FLNB: variants seen among roughly 807,000 people sequenced by gnomAD.
FLNB encodes filamin B.
FLNB carries 111 observed loss-of-function variants against 250.6 expected under a neutral mutation model. That is an observed-to-expected ratio of 0.44 (90% CI 0.38 to 0.52). FLNB has a LOEUF of 0.52. FLNB is among the 20% of genes least tolerant of loss of function. The probability of loss-of-function intolerance (pLI) is 0.00; values close to 1 mark genes in which losing one functional copy is unlikely to be tolerated. For synonymous variants in FLNB, 1,302 were observed against 1,372.1 expected, an observed-to-expected ratio of 0.95 and a Z score of 1.13; for missense variants, 2,869 against 3,447.8, an observed-to-expected ratio of 0.83 and a Z score of 4.20.
Position 58,169,614 on chromosome 3 carries a change from C to G in FLNB, c.7442C>G (p.Ser2481Ter). 6.2e-7 allele frequency: 1 copy of G among 1,614,174 alleles called. No homozygotes were observed. ...VTGQRLVSPG[S>*]ANETSSILVE... Reference sequence around the variant, plus strand: ...GGCCAGCGTCTAGTTAGCCCTGGCTCAGCCAACGAGACCTCATCCATCCTG... The same window carrying G: ...GGCCAGCGTCTAGTTAGCCCTGGCTGAGCCAACGAGACCTCATCCATCCTG... The change falls in exon 45 of 46, where the codon TCA (serine) becomes TGA (stop). Residue 2481 changes from serine (S) to a stop codon, truncating the protein, a stop_gained. Transcript: ENST00000295956. LOFTEE classifies it high-confidence loss of function. The surrounding 1 kb of genome is among the most constrained non-coding windows in gnomAD (Gnocchi z 4.8).
At chr3:58,059,582 T>C (rs2097175060) in intron 1 of FLNB, among the ~76,000 whole-genome samples, 1 of 152,214 alleles carries the variant, frequency 6.6e-6, no homozygotes, top group Non-Finnish European at 1.5e-5. Flanking sequence ...CGGCAGCAGC[T>C]GGTGGATGGG....
chr3:58,140,983 C>G (rs148613756), intron 29 of FLNB, among the ~76,000 whole-genome samples: 1 of 152,120 alleles, frequency 6.6e-6, no homozygotes, highest in Non-Finnish European at 1.5e-5. Context: ...CATGGTGGCT[C>G]ATGCCTGAAA....
Position 58,153,556 on chromosome 3 carries a change from C to A in FLNB, c.6549C>A (p.Phe2183Leu). ...GQHVTGSPFQ[F>L]TVGPLGEGGA... ...ACGTCACCGGCAGCCCCTTCCAGTT[C>A]ACCGTGGGGCCACTTGGTGAAGGAG... The change falls in exon 39 of 46, where the codon TTC becomes TTA. Residue 2183 changes from phenylalanine (F) to leucine (L), a missense_variant. Coordinates refer to ENST00000295956, the MANE Select transcript of FLNB (RefSeq NM_001457.4). 6.2e-7 allele frequency: 1 copy of A among 1,614,136 alleles called. No homozygotes were observed. The highest frequency in any genetic ancestry group is 8.5e-7 in the Non-Finnish European group (1 of 1,180,046).
At position 58,169,264 on chromosome 3, in the gene FLNB, T is replaced by C. The variant is rs1359663274; in HGVS notation, c.7418-326T>C. The C allele has an allele frequency of 7.8e-6, 3 of 385,736 alleles. No homozygotes were observed. Among genetic ancestry groups the C allele is most frequent in the African/African-American group, 2.0e-5 (1 of 48,864 alleles). The allele number at this position is 385,736 out of a possible 1,614,324, so 23.9% of individuals were successfully genotyped here. On this transcript the variant is annotated intron_variant, in intron 44 of 45. Transcript: ENST00000295956. The surrounding 1 kb of genome is among the most constrained non-coding windows in gnomAD (Gnocchi z 4.8). ...CCCAAACTTTTACACTGCTTATACA[T>C]AGACTATTTTATGTCAATAGAAAGA...
intron 1 of FLNB, 50 bp from the exon 2 acceptor site, chr3:58,076,996 T>G (rs2106946120): frequency 6.2e-7 from 1 of 1,609,012 alleles, no homozygotes; most frequent in East Asian, 2.2e-5. Flanking sequence ...GAGCATAATT[T>G]ACACTTGTGT....
intron 1 of FLNB, among the ~76,000 whole-genome samples, chr3:58,012,017 C>T (rs947695267): frequency 6.6e-6 from 1 of 152,112 alleles, no homozygotes; most frequent in East Asian, 1.9e-4. Context: ...TCGAGACCAG[C>T]CTGGACAACA....
chr3:58,114,712 T>C (rs1184066142), intron 18 of FLNB, among the ~76,000 whole-genome samples: 1 of 145,884 alleles, frequency 6.9e-6, no homozygotes, highest in African/African-American at 2.6e-5. Flanking sequence ...TTTCTGTTTT[T>C]TTTTTTTGTT....
intron 12 of FLNB, 129 bp downstream of exon 12, chr3:58,107,002 C>T (rs763066822): frequency 2.8e-5 from 21 of 745,486 alleles, no homozygotes; most frequent in Non-Finnish European, 4.8e-5. Context: ...AGGAAGGAAA[C>T]AGGCCTGCAT....
intron 1 of FLNB, among the ~76,000 whole-genome samples, chr3:58,037,419 A>G (rs2097139685): frequency 6.6e-6 from 1 of 152,206 alleles, no homozygotes; most frequent in Non-Finnish European, 1.5e-5. Flanking sequence ...GGCTGCTAGC[A>G]TTGGCTTCAA....
At chr3:58,044,590 G>A (rs995913248) in intron 1 of FLNB, among the ~76,000 whole-genome samples, 2 of 152,026 alleles carry the variant, frequency 1.3e-5, no homozygotes, top group African/African-American at 2.4e-5. Flanking sequence ...ACACCTCTGC[G>A]CTCCAGCCTG....
At chr3:58,029,674 T>C (rs1377942902) in intron 1 of FLNB, among the ~76,000 whole-genome samples, 1 of 151,958 alleles carries the variant, frequency 6.6e-6, no homozygotes, top group African/African-American at 2.4e-5. Flanking sequence ...TGGCTAATTT[T>C]TTGTATTTTT....
intron 29 of FLNB, among the ~76,000 whole-genome samples, chr3:58,141,095 A>AT (rs1287031302): frequency 3.4e-4 from 52 of 152,186 alleles, no homozygotes; most frequent in African/African-American, 1.1e-3. Context: ...CAAAAAAAAA[A>AT]AATAATAATT....
chr3:58,073,873 T>C, intron 1 of FLNB, among the ~76,000 whole-genome samples: 1 of 152,238 alleles, frequency 6.6e-6, no homozygotes, highest in East Asian at 1.9e-4. Context: ...AACCTCAGGT[T>C]TTACAGGCTA....
At chr3:58,100,373 A>ATATATATATATATAT (rs1553696152) in intron 8 of FLNB, among the ~76,000 whole-genome samples, 16 of 104,334 alleles carry the variant, frequency 1.5e-4, no homozygotes, top group African/African-American at 6.4e-4. Context: ...GTAAAAAAAA[A>ATATATATATATATAT]ATATATATAT....
In FLNB at chr3:58,148,222, C is replaced by T. The variant is rs200335307; in HGVS notation, c.5745C>T (p.Cys1915=). The T allele has an allele frequency of 6.2e-7, 1 of 1,614,232 alleles. No individual in the cohort carries two copies. Among genetic ancestry groups the T allele is most frequent in the Non-Finnish European group, 8.5e-7 (1 of 1,180,042 alleles). ...TAKITDDSRR[C]SQVKLGSAAD... Reference sequence around the variant, plus strand: ...GTTTCCCAGATGACAGCAGGCGGTGCTCCCAGGTGAAGTTGGGCTCAGCCG... The same window carrying T: ...GTTTCCCAGATGACAGCAGGCGGTGTTCCCAGGTGAAGTTGGGCTCAGCCG... The change falls in exon 35 of 46, where the codon TGC becomes TGT. Residue 1915 remains cysteine (C), a synonymous_variant. Coordinates refer to ENST00000295956, the MANE Select transcript of FLNB (RefSeq NM_001457.4).
At chr3:58,155,485 T>C (rs879028102) in intron 40 of FLNB, among the ~76,000 whole-genome samples, 4 of 152,254 alleles carry the variant, frequency 2.6e-5, no homozygotes, top group Non-Finnish European at 5.9e-5. Flanking sequence ...TCATAAGATT[T>C]GGTGACAGTA....
In FLNB at chr3:58,096,228, A is replaced by G. The variant is rs755496742; in HGVS notation, c.984+10A>G. ...CACCGGGCTACACAAAGTAAGATGA[A>G]GCAGCATGGCTGTGGCTTGGGCTGC... On this transcript the variant is annotated intron_variant, in intron 6 of 45. Transcript: ENST00000295956. 2.5e-6 allele frequency: 4 copies of G among 1,607,756 alleles called. No homozygotes were observed. The South Asian group carries it at 4.4e-5, about 18-fold the overall frequency.
intron 39 of FLNB, 109 bp from the exon 40 acceptor site, chr3:58,154,682 A>G: frequency 8.3e-7 from 1 of 1,208,614 alleles, no homozygotes; most frequent in Admixed American, 1.7e-5. Context: ...GAGAAAGAGG[A>G]AAGGGCTAGC....
In FLNB at chr3:58,108,516, A is replaced by C; in HGVS notation, c.2000A>C (p.Glu667Ala). The C allele has an allele frequency of 6.2e-7, 1 of 1,614,198 alleles. No homozygotes were observed. The highest frequency in any genetic ancestry group is 1.1e-5 in the South Asian group (1 of 91,072). The change falls in exon 13 of 46, where the codon GAG becomes GCG. Residue 667 changes from glutamate to alanine, a missense_variant. Glu to Ala is a moderately radical substitution (Grantham distance 107). Transcript: ENST00000295956. ...GGATGCATTGTCAACAACCTGGCCGAGTTCACTGTGGATCCTAAGGATGCT... is the reference window on the plus strand; with the variant it reads ...GGATGCATTGTCAACAACCTGGCCGCGTTCACTGTGGATCCTAAGGATGCT... The part of the protein sequence containing the change: ...KSGCIVNNLA[E>A]FTVDPKDAGK...
Sources: gnomAD v4.1 joint callset for allele counts (sites outside exome capture counted in the v4.1 genomes callset) on GRCh38, gnomAD v4.1.1 for gene constraint, Gnocchi (gnomAD v3.1) non-coding constraint, MANE v1.5 for transcripts, NCBI Gene and HGNC (gene_info 2026-07-23, HGNC 2026-07-21) for gene names.